Variants in C12orf43 observed in about 807,000 individuals in gnomAD.
C12orf43 encodes chromosome 12 open reading frame 43, also known as protein CUSTOS.
In C12orf43, 15 loss-of-function variants were observed where a neutral mutation model predicts 20.6. The ratio of observed to expected loss-of-function variants is 0.73; its 90% CI spans 0.49 to 1.12. The LOEUF is 1.12. C12orf43 is among the 50% of genes most tolerant of loss of function. C12orf43 has a pLI of 0.00. For missense variants in C12orf43, 334 were observed against 344.4 expected, an observed-to-expected ratio of 0.97 and a Z score of 0.24; for synonymous variants, 144 against 130.8, an observed-to-expected ratio of 1.10 and a Z score of -0.69.
In C12orf43 at chr12:121,005,211, AAAAGAT is replaced by A. The variant is rs1235754383; in HGVS notation, c.362-124_362-119del. 2 of 555,606 alleles carry A rather than the reference AAAAGAT, an allele frequency of 3.6e-6. No individual in the cohort carries two copies. Among genetic ancestry groups the A allele is most frequent in the Non-Finnish European group, 2.7e-6 (1 of 364,312 alleles). 34.4% of individuals were successfully genotyped at this position (555,606 alleles called of 1,614,324 possible). ...TTTTAAAAAGGAAAACGAAAGAAAG[AAAAGAT>A]AAAGAGAAACAAAAAAAAAATTTTA... On this transcript the variant is annotated intron_variant, in intron 4 of 5. Transcript: ENST00000288757. This position sits in a 1 kb window ranked among gnomAD's most constrained non-coding sequence, Gnocchi z 5.6.
In C12orf43 at chr12:121,011,152, GA is replaced by G. The variant is rs777828557; in HGVS notation, c.146-7del. 3 of 1,613,134 alleles carry G rather than the reference GA, an allele frequency of 1.9e-6. No homozygotes were observed. The highest frequency in any genetic ancestry group is 2.5e-6 in the Non-Finnish European group (3 of 1,179,520). On this transcript the variant is annotated splice_polypyrimidine_tract_variant and splice_region_variant and intron_variant, in intron 1 of 5. Coordinates refer to ENST00000288757, the MANE Select transcript of C12orf43 (RefSeq NM_022895.3). ...CAACTGGCTATTTGCAGCACCTGTGGAAAAATGAAAATTAGGGCATTTATAG... is the reference window on the plus strand; with the variant it reads ...CAACTGGCTATTTGCAGCACCTGTGGAAAATGAAAATTAGGGCATTTATAG...
At position 121,005,045 on chromosome 12, in the gene C12orf43, TCTTC is replaced by T. The variant is rs1326701269; in HGVS notation, c.406_409del (p.Glu136SerfsTer57). On this transcript the variant is annotated frameshift_variant, in exon 5 of 6. Coordinates refer to ENST00000288757, the MANE Select transcript of C12orf43 (RefSeq NM_022895.3). LOFTEE classifies it low-confidence loss of function (END_TRUNC). This position sits in a 1 kb window ranked among gnomAD's most constrained non-coding sequence, Gnocchi z 5.6. ...TCGCTTTCGGCGGGGTTGGGGAGAC[TCTTC>T]CTTCTCACGGCCTCCAGGGACAGAT... The T allele has an allele frequency of 6.6e-7, 1 of 1,515,440 alleles. No individual in the cohort carries two copies. Among genetic ancestry groups the T allele is most frequent in the Middle Eastern group, 1.7e-4 (1 of 5,764 alleles). The allele number at this position is 1,515,440 out of a possible 1,614,324, so 93.9% of individuals were successfully genotyped here.
chr12:121,012,035 T>C (rs377265699), intron 1 of C12orf43, among the ~76,000 whole-genome samples: 4 of 152,182 alleles, frequency 2.6e-5, no homozygotes, highest in African/African-American at 9.6e-5. Flanking sequence ...GCTAAGTGTA[T>C]GGAAAAAAAC....
rs1216794621 is a variant in C12orf43 at position 121,002,092 on chromosome 12, G to A, written c.*2061C>T. The A allele has an allele frequency of 3.7e-6, 2 of 534,918 alleles. No homozygotes were observed. The highest frequency in any genetic ancestry group is 3.7e-5 in the African/African-American group (2 of 53,906). 33.1% of individuals were successfully genotyped at this position (534,918 alleles called of 1,614,324 possible). On this transcript the variant is annotated 3_prime_UTR_variant, in exon 6 of 6. Transcript: ENST00000288757. ...CAGACCCTGCCCTTGTTTGGGGCAG[G>A]AGTAGCTGAGCTCACAAGGCAGCAA... is the stretch of plus-strand genomic sequence containing the variant.
chr12:121,015,362 T>TG (rs1868810877), intron 1 of C12orf43, among the ~76,000 whole-genome samples: 1 of 152,224 alleles, frequency 6.6e-6, no homozygotes, highest in Non-Finnish European at 1.5e-5. Context: ...AAAGGGCTTG[T>TG]AAGTCCTTTT....
intron 1 of C12orf43, among the ~76,000 whole-genome samples, chr12:121,013,846 C>T (rs1359232402): frequency 2.0e-5 from 3 of 152,198 alleles, no homozygotes; most frequent in African/African-American, 7.2e-5. Context: ...GGTTCTGCCA[C>T]TCACAAATTG....
intron 1 of C12orf43, among the ~76,000 whole-genome samples, chr12:121,014,643 T>C (rs999009844): frequency 1.8e-3 from 20 of 11,028 alleles, no homozygotes; most frequent in Non-Finnish European, 3.6e-3. Context: ...AAAAAAAAAA[T>C]GCAAAAAAAA....
intron 1 of C12orf43, chr12:121,012,419 C>T: frequency 1.4e-6 from 1 of 702,570 alleles, no homozygotes; most frequent in Non-Finnish European, 2.6e-6. Flanking sequence ...AGAGAAGGGA[C>T]ATAAACTGAC....
rs2135856449 is a variant in C12orf43, at chr12:121,001,930, T to C, written c.*2223A>G. 1.9e-6 allele frequency: 1 copy of C among 522,434 alleles called. No homozygotes were observed. The highest frequency in any genetic ancestry group is 1.6e-5 in the South Asian group (1 of 63,122). 32.4% of individuals were successfully genotyped at this position (522,434 alleles called of 1,614,324 possible). On this transcript the variant is annotated 3_prime_UTR_variant, in exon 6 of 6. Transcript: ENST00000288757. Reference sequence around the variant, plus strand: ...TTTGTTCCCAAGAGCATCATGCCTCTGAGGCCAGCCTGGCCTCCTGCCTCT... The same window carrying C: ...TTTGTTCCCAAGAGCATCATGCCTCCGAGGCCAGCCTGGCCTCCTGCCTCT...
chr12:121,009,220 G>A (rs2135875868), intron 3 of C12orf43, among the ~76,000 whole-genome samples: 1 of 152,206 alleles, frequency 6.6e-6, no homozygotes, highest in East Asian at 1.9e-4. Flanking sequence ...CCGAGCCGGT[G>A]GATCACTTGA....
rs201770880 is a variant in C12orf43, at chr12:121,001,084, G to A, written c.*3069C>T. Reference sequence around the variant, plus strand: ...CTGCAGTGTCCTCCAGCAGCCTGGTGCTGTACCAGAGCTCAGACTCCAGCA... The same window carrying A: ...CTGCAGTGTCCTCCAGCAGCCTGGTACTGTACCAGAGCTCAGACTCCAGCA... On this transcript the variant is annotated 3_prime_UTR_variant, in exon 6 of 6. Transcript: ENST00000288757. 6.2e-6 allele frequency: 10 copies of A among 1,613,640 alleles called. No individual in the cohort carries two copies. In the East Asian group the frequency reaches 2.2e-4, roughly 36 times the overall value.
At chr12:121,006,663 C>A in intron 3 of C12orf43, 1 of 403,390 alleles carries the variant, frequency 2.5e-6, no homozygotes, top group East Asian at 5.3e-5. Flanking sequence ...TGAGGCCAGG[C>A]ATGGTGGCTC....
Position 121,005,441 on chromosome 12 carries a change from C to T in C12orf43, c.362-348G>A, listed in dbSNP as rs1877931372. Among the ~76,000 whole-genome samples the T allele has an allele frequency of 6.6e-6, 1 of 152,198 alleles. No homozygotes were observed. Among genetic ancestry groups the T allele is most frequent in the Non-Finnish European group, 1.5e-5 (1 of 68,040 alleles). ...AGGCAAAGACCCAGGAATCAGTCGT[C>T]TAACTACAAAGTGATTCTGCATCTG... is the stretch of plus-strand genomic sequence containing the variant. On this transcript the variant is annotated intron_variant, in intron 4 of 5. Transcript: ENST00000288757. The surrounding 1 kb of genome is among the most constrained non-coding windows in gnomAD (Gnocchi z 5.6).
At chr12:121,014,289 G>A (rs1486550819) in intron 1 of C12orf43, among the ~76,000 whole-genome samples, 2 of 151,928 alleles carry the variant, frequency 1.3e-5, no homozygotes, top group African/African-American at 2.4e-5. Context: ...CCAAGATCGC[G>A]CCATTGCACT....
chr12:121,012,771 G>A (rs186093859), intron 1 of C12orf43: 8 of 245,532 alleles, frequency 3.3e-5, no homozygotes, highest in Admixed American at 2.7e-4. Flanking sequence ...AGAATCGCTC[G>A]AACCCAGGAG....
At chr12:121,015,304 T>G (rs1034281553) in intron 1 of C12orf43, among the ~76,000 whole-genome samples, 3 of 152,094 alleles carry the variant, frequency 2.0e-5, no homozygotes, top group Admixed American at 1.3e-4. Context: ...CTACAGGAAG[T>G]GCAGTATGGC....
chr12:121,010,840 G>C lies in C12orf43; in HGVS notation c.275C>G (p.Ala92Gly). 6.2e-7 allele frequency: 1 copy of C among 1,612,252 alleles called. No homozygotes were observed. Among genetic ancestry groups the C allele is most frequent in the Non-Finnish European group, 8.5e-7 (1 of 1,178,744 alleles). ...CACCTTTGTTTACCTGTCCAGCAGG[G>C]CTCCCAGCTTCTTGGCTACGTGGGC... is the stretch of plus-strand genomic sequence containing the variant. The part of the protein sequence containing the change: ...FRAHVAKKLG[A>G]LLDSFITISE... The change falls in exon 3 of 6, where the codon GCC (alanine) becomes GGC (glycine). Residue 92 changes from alanine (A) to glycine (G), a missense_variant. By Grantham distance (60) the Ala-to-Gly change is moderately conservative (BLOSUM62 0). Coordinates refer to ENST00000288757, the MANE Select transcript of C12orf43 (RefSeq NM_022895.3).
Position 121,010,946 on chromosome 12 carries a change from A to C in C12orf43, c.189-20T>G, listed in dbSNP as rs773234722. On this transcript the variant is annotated intron_variant, in intron 2 of 5. Transcript: ENST00000288757. Reference sequence around the variant, plus strand: ...TTATGCCTACGACACACACAAAGAGACCTCACTTCCTGCCCGCTCAGAAGC... The same window carrying C: ...TTATGCCTACGACACACACAAAGAGCCCTCACTTCCTGCCCGCTCAGAAGC... The C allele has an allele frequency of 6.2e-7, 1 of 1,613,360 alleles. No homozygotes were observed. The highest frequency in any genetic ancestry group is 8.5e-7 in the Non-Finnish European group (1 of 1,179,582).
chr12:121,013,142 C>A (rs1000878973), intron 1 of C12orf43, among the ~76,000 whole-genome samples: 1 of 152,180 alleles, frequency 6.6e-6, no homozygotes, highest in Admixed American at 6.5e-5. Flanking sequence ...TGTCACTGTA[C>A]TCCAGAGCAC....
Sources: allele counts gnomAD v4.1 joint callset (sites outside exome capture counted in the v4.1 genomes callset), GRCh38; gene constraint gnomAD v4.1.1; non-coding constraint Gnocchi (gnomAD v3.1); transcripts MANE v1.5; gene names NCBI Gene and HGNC (gene_info 2026-07-23, HGNC 2026-07-21).